The following ABCA5 variants were observed in gnomAD, a reference collection of about 807,000 sequenced individuals.
The protein encoded by ABCA5 is cholesterol transporter ABCA5.
ABCA5 carries 163 observed loss-of-function variants against 206.0 expected under a neutral mutation model. That is an observed-to-expected ratio of 0.79 (90% CI 0.70 to 0.90). ABCA5 has a LOEUF of 0.90. ABCA5 is among the 40% of genes least tolerant of loss of function. The pLI, the probability that ABCA5 is intolerant of heterozygous loss-of-function variation, is 0.00. For missense variants in ABCA5, 1,859 were observed against 1,912.9 expected, an observed-to-expected ratio of 0.97 and a Z score of 0.53; for synonymous variants, 609 against 613.8, an observed-to-expected ratio of 0.99 and a Z score of 0.11.
At chr17:69,297,046 G>A in intron 10 of ABCA5, 145 bp downstream of exon 10, 3 of 754,226 alleles carry the variant, frequency 4.0e-6, no homozygotes, top group Non-Finnish European at 2.0e-6. Context: ...ATAAGAAAAA[G>A]AGAAAAGTAG....
intron 27 of ABCA5, 27 bp from the exon 28 acceptor site, chr17:69,259,824 T>C (rs750752569): frequency 2.9e-6 from 4 of 1,388,804 alleles, no homozygotes; most frequent in African/African-American, 1.5e-5. Flanking sequence ...TAGCAGCTCA[T>C]GACTAAAAGA....
chr17:69,258,200 A>C (rs533951076), intron 28 of ABCA5, among the ~76,000 whole-genome samples: 16 of 152,260 alleles, frequency 1.1e-4, no homozygotes, highest in Non-Finnish European at 2.1e-4. Flanking sequence ...AAATCATTAC[A>C]TAAAAAAGAC....
rs914559064 is a variant in ABCA5, at chr17:69,268,146, A to C, written c.3031-90T>G. 4.9e-6 allele frequency: 3 copies of C among 608,912 alleles called. No homozygotes were observed. The African/African-American group carries it at 5.7e-5, about 11-fold the overall frequency. The allele number at this position is 608,912 out of a possible 1,614,324, so 37.7% of individuals were successfully genotyped here. The stretch of plus-strand genomic sequence containing the variant: ...AGGATATATCTTATATCAAAAAAAA[A>C]TCAAAACCTCAGAAAGAATGTATTA... On this transcript the variant is annotated intron_variant, in intron 22 of 38. Coordinates refer to ENST00000392676, the MANE Select transcript of ABCA5 (RefSeq NM_172232.4).
intron 17 of ABCA5, among the ~76,000 whole-genome samples, chr17:69,284,391 T>C (rs2075428877): frequency 6.6e-6 from 1 of 151,994 alleles, no homozygotes; most frequent in Non-Finnish European, 1.5e-5. Flanking sequence ...ATTTTATATA[T>C]GGGAATATAT....
intron 19 of ABCA5, among the ~76,000 whole-genome samples, chr17:69,275,736 A>G (rs1445086284): frequency 2.6e-5 from 4 of 152,238 alleles, no homozygotes; most frequent in South Asian, 4.2e-4. Flanking sequence ...TGCCTCCCCA[A>G]ATTTGTATGT....
chr17:69,286,207 A>C lies in ABCA5; in HGVS notation c.2132+14T>G. On this transcript the variant is annotated intron_variant, in intron 16 of 38. Transcript: ENST00000392676. ...AGTATAATATAGAATAATGTCAATA[A>C]AAATGAATGATACCTCAGGCGGTAG... 2 of 1,599,194 alleles carry C rather than the reference A, an allele frequency of 1.3e-6. No homozygotes were observed. The highest frequency in any genetic ancestry group is 1.7e-6 in the Non-Finnish European group (2 of 1,173,568).
rs1317901147 is a variant in ABCA5 at position 69,268,068 on chromosome 17, CCA to C, written c.3031-14_3031-13del. 2 of 1,253,454 alleles carry C rather than the reference CCA, an allele frequency of 1.6e-6. No homozygotes were observed. The highest frequency in any genetic ancestry group is 1.7e-5 in the Admixed American group (1 of 58,556). The allele number at this position is 1,253,454 out of a possible 1,614,324, so 77.6% of individuals were successfully genotyped here. ...ATATCAGTAATTTCCTGAAAGACAA[CCA>C]CAGAGTAACAAATGGAACTGAGAAT... is the stretch of plus-strand genomic sequence containing the variant. On this transcript the variant is annotated splice_polypyrimidine_tract_variant and intron_variant, in intron 22 of 38. Coordinates refer to ENST00000392676, the MANE Select transcript of ABCA5 (RefSeq NM_172232.4).
intron 5 of ABCA5, among the ~76,000 whole-genome samples, chr17:69,307,233 A>G (rs1222717970): frequency 6.6e-6 from 1 of 152,002 alleles, no homozygotes; most frequent in Non-Finnish European, 1.5e-5. Context: ...ATAAAATTGC[A>G]CAATTATCAT....
At chr17:69,249,831 T>TA (rs35778224) in intron 37 of ABCA5, 74 bp downstream of exon 37, 20 of 1,455,714 alleles carry the variant, frequency 1.4e-5, no homozygotes, top group Non-Finnish European at 1.9e-5. Flanking sequence ...TCTTCCAGCT[T>TA]AAAAAAAGAT....
chr17:69,321,870 C>T (rs548376620), intron 1 of ABCA5, among the ~76,000 whole-genome samples: 16 of 152,126 alleles, frequency 1.1e-4, no homozygotes, highest in South Asian at 2.1e-4. Context: ...AAACACCTAA[C>T]ATCTCTAAAG....
At position 69,301,428 on chromosome 17, in the gene ABCA5, A is replaced by G. The variant is rs188640286; in HGVS notation, c.1120-142T>C. 4.9e-4 allele frequency: 249 copies of G among 512,712 alleles called. 1 individual carries two copies. Among genetic ancestry groups the G allele is most frequent in the African/African-American group, 4.8e-3 (240 of 49,872 alleles). 31.8% of individuals were successfully genotyped at this position (512,712 alleles called of 1,614,324 possible). On this transcript the variant is annotated intron_variant, in intron 8 of 38. Coordinates refer to ENST00000392676, the MANE Select transcript of ABCA5 (RefSeq NM_172232.4). ...ATAGATTAAACACTTGACCAAATTA[A>G]TAATATAAATTTATAAGGAAAACAA...
chr17:69,244,753 G>A lies in ABCA5; in HGVS notation c.*2784C>T, dbSNP rs543085175. On this transcript the variant is annotated 3_prime_UTR_variant, in exon 39 of 39. Transcript: ENST00000392676. ...CAGGGCACAATTAGAATGAAGTTTT[G>A]AGTAACTAACAGAACAACAATAAAA... 1.3e-5 allele frequency: 2 copies of A among 151,460 alleles called. No individual in the cohort carries two copies. The highest frequency in any genetic ancestry group is 4.2e-4 in the South Asian group (2 of 4,814). 9.4% of individuals were successfully genotyped at this position (151,460 alleles called of 1,614,324 possible). A position where few individuals can be genotyped will look rare whatever the true frequency, so the allele number is the denominator to read the frequency against.
intron 20 of ABCA5, 92 bp downstream of exon 20, chr17:69,273,867 C>G (rs545545223): frequency 4.9e-4 from 622 of 1,265,356 alleles, no homozygotes; most frequent in Non-Finnish European, 6.4e-4. Context: ...ATGCCTTTAC[C>G]TTAAATATAG....
At chr17:69,313,725 T>C (rs2075791129) in intron 2 of ABCA5, among the ~76,000 whole-genome samples, 1 of 152,194 alleles carries the variant, frequency 6.6e-6, no homozygotes, top group Non-Finnish European at 1.5e-5. Flanking sequence ...CCTAAATGTA[T>C]ACTACCAAAA....
At chr17:69,256,349 G>T in intron 28 of ABCA5, 66 bp from the exon 29 acceptor site, 1 of 1,069,934 alleles carries the variant, frequency 9.3e-7, no homozygotes, top group Non-Finnish European at 1.3e-6. Context: ...AAGAAATTCA[G>T]ATACTAGGTA....
intron 11 of ABCA5, among the ~76,000 whole-genome samples, chr17:69,293,886 T>TGTGTGTGTGTGTGTGTTTG (rs1567771944): frequency 1.5e-5 from 1 of 64,826 alleles, no homozygotes; most frequent in Non-Finnish European, 3.5e-5. Context: ...GTGTGTGTGT[T>TGTGTGTGTGTGTGTGTTTG]TGTGTGTGTG....
At chr17:69,255,914 C>T in intron 29 of ABCA5, 64 bp from the exon 30 acceptor site, 1 of 1,333,822 alleles carries the variant, frequency 7.5e-7, no homozygotes. Context: ...ACAGGCTGCA[C>T]ATACCTCATA....
chr17:69,289,950 TCTAA>T lies in ABCA5; in HGVS notation c.1690_1693del (p.Leu564IlefsTer7). On this transcript the variant is annotated frameshift_variant, in exon 13 of 39. Transcript: ENST00000392676. LOFTEE classifies it high-confidence loss of function. ...TACTGTCAAAACATCAAAGTGTATA[TCTAA>T]CTGTGGACAAATGCCAATCATTTTT... 6.2e-7 allele frequency: 1 copy of T among 1,612,496 alleles called. No homozygotes were observed. Among genetic ancestry groups the T allele is most frequent in the Non-Finnish European group, 8.5e-7 (1 of 1,179,322 alleles).
Position 69,261,115 on chromosome 17 carries a change from G to T in ABCA5, c.3564+10C>A. ...GTTTTTTAACATATTAAAATATTTA[G>T]CAGAATTACCTTTATGAAAGAAATC... On this transcript the variant is annotated intron_variant, in intron 26 of 38. Coordinates refer to ENST00000392676, the MANE Select transcript of ABCA5 (RefSeq NM_172232.4). The T allele has an allele frequency of 6.6e-7, 1 of 1,524,308 alleles. No homozygotes were observed. The highest frequency in any genetic ancestry group is 8.8e-7 in the Non-Finnish European group (1 of 1,132,494). The allele number at this position is 1,524,308 out of a possible 1,614,324, so 94.4% of individuals were successfully genotyped here.
Sources: gnomAD v4.1 joint callset for allele counts (sites outside exome capture counted in the v4.1 genomes callset) on GRCh38, gnomAD v4.1.1 for gene constraint, MANE v1.5 for transcripts, NCBI Gene and HGNC (gene_info 2026-07-23, HGNC 2026-07-21) for gene names.